The following OR1L8 variants were observed in gnomAD, a reference collection of about 807,000 sequenced individuals.
The protein encoded by OR1L8 is olfactory receptor family 1 subfamily L member 8.
For missense variants in OR1L8, 330 were observed against 377.4 expected (o/e 0.87, Z 1.04); for synonymous variants, 148 against 147.0 (o/e 1.01, Z -0.05).
At position 122,568,072 on chromosome 9, in the gene OR1L8, T is replaced by C. The variant is rs1829467849; in HGVS notation, c.406A>G (p.Thr136Ala). The C allele has an allele frequency of 1.9e-6, 3 of 1,613,954 alleles. No homozygotes were observed. Among genetic ancestry groups the C allele is most frequent in the Middle Eastern group, 1.7e-4 (1 of 6,060 alleles). The part of the protein sequence containing the change: ...AVCDPFHYVT[T>A]MSHHHCVLLV... The stretch of plus-strand genomic sequence containing the variant: ...AGGACACAGTGGTGGTGGCTCATGG[T>C]GGTGACATAGTGGAAAGGGTCACAG... Residue 136 changes from threonine to alanine, a missense_variant, in exon 5 of 5, where the codon ACC (threonine) becomes GCC (alanine). Physicochemically the swap from Thr to Ala is moderately conservative, Grantham distance 58. Transcript: ENST00000641027.
At chr9:122,565,120 C>T (rs1829408020), downstream of OR1L8, among the ~76,000 whole-genome samples, 1 of 152,114 alleles carries the variant, frequency 6.6e-6, no homozygotes. Flanking sequence ...GGTGTCTGGC[C>T]CCTCTTACAC....
the OR1L8 span, among the ~76,000 whole-genome samples, chr9:122,561,081 T>C: frequency 6.6e-6 from 1 of 152,228 alleles, no homozygotes; most frequent in African/African-American, 2.4e-5. Context: ...CATGATGGTC[T>C]TCAAACTCTG....
At chr9:122,546,449 T>A in the OR1L8 span, among the ~76,000 whole-genome samples, 1 of 152,180 alleles carries the variant, frequency 6.6e-6, no homozygotes, top group Admixed American at 6.5e-5. Flanking sequence ...CTTAGAACGT[T>A]TGCTCGCACG....
Position 122,568,007 on chromosome 9 carries a change from T to C in OR1L8, c.471A>G (p.Ser157=). The change falls in exon 5 of 5, where the codon TCA becomes TCG. Residue 157 remains serine (S), a synonymous_variant. Transcript: ENST00000641027. ...AFSCSFPHLH[S]LLHTLLLNRL... ...GATTCAGCAGAAGTGTGTGCAGGAG[T>C]GAGTGGAGGTGAGGAAATGAGCAGG... 6.2e-7 allele frequency: 1 copy of C among 1,611,518 alleles called. No individual in the cohort carries two copies. The highest frequency in any genetic ancestry group is 8.5e-7 in the Non-Finnish European group (1 of 1,179,282).
the OR1L8 span, among the ~76,000 whole-genome samples, chr9:122,547,596 T>C: frequency 6.6e-6 from 1 of 151,480 alleles, no homozygotes; most frequent in Non-Finnish European, 1.5e-5. Context: ...CTTGATTTCA[T>C]TTTTTATGGC....
At chr9:122,553,619 C>T in the OR1L8 span, 7 of 1,614,122 alleles carry the variant, frequency 4.3e-6, no homozygotes, top group Non-Finnish European at 5.9e-6. Context: ...TCCATTACAG[C>T]ACATCTATGA....
the OR1L8 span, chr9:122,553,160 A>T: frequency 6.3e-7 from 1 of 1,579,602 alleles, no homozygotes; most frequent in African/African-American, 1.4e-5. Context: ...TAATAAATAA[A>T]TACTGACACA....
intron 3 of OR1L8, among the ~76,000 whole-genome samples, chr9:122,575,430 A>G (rs1265307085): frequency 6.6e-6 from 1 of 152,098 alleles, no homozygotes; most frequent in Non-Finnish European, 1.5e-5. Flanking sequence ...TTGTTGACAT[A>G]TCATGTCTTT....
chr9:122,552,392 C>T, the OR1L8 span, among the ~76,000 whole-genome samples: 1 of 152,064 alleles, frequency 6.6e-6, no homozygotes, highest in Non-Finnish European at 1.5e-5. Flanking sequence ...AAATGTAGTA[C>T]AAATGTAGGG....
intron 1 of OR1L8, among the ~76,000 whole-genome samples, chr9:122,581,783 C>A (rs374741657): frequency 1.3e-5 from 2 of 152,082 alleles, no homozygotes; most frequent in African/African-American, 2.4e-5. Flanking sequence ...CCTGTCTCTA[C>A]TAAAACTAGA....
At chr9:122,561,832 A>C in the OR1L8 span, among the ~76,000 whole-genome samples, 1 of 152,128 alleles carries the variant, frequency 6.6e-6, no homozygotes, top group Non-Finnish European at 1.5e-5. Context: ...TGGGAGCAGG[A>C]CCCATTTAAT....
At chr9:122,550,512 A>G in the OR1L8 span, among the ~76,000 whole-genome samples, 1 of 152,204 alleles carries the variant, frequency 6.6e-6, no homozygotes, top group Non-Finnish European at 1.5e-5. Flanking sequence ...AATACTAGCA[A>G]ACTGAATCCA....
chr9:122,580,733 T>A (rs1460676043), intron 1 of OR1L8, among the ~76,000 whole-genome samples: 1 of 152,200 alleles, frequency 6.6e-6, no homozygotes, highest in East Asian at 1.9e-4. Flanking sequence ...GAATTAAAAG[T>A]GTGATAAGAC....
the OR1L8 span, among the ~76,000 whole-genome samples, chr9:122,560,962 C>G: frequency 4.6e-5 from 7 of 152,176 alleles, no homozygotes; most frequent in African/African-American, 1.2e-4. Context: ...TTCAGGTACT[C>G]CAATCAATCA....
At chr9:122,549,186 G>A in the OR1L8 span, among the ~76,000 whole-genome samples, 5 of 152,050 alleles carry the variant, frequency 3.3e-5, no homozygotes, top group East Asian at 1.9e-4. Context: ...TGCTCTCCCC[G>A]CAGTAATGAG....
the OR1L8 span, chr9:122,553,726 G>T: frequency 1.2e-6 from 2 of 1,613,400 alleles, no homozygotes; most frequent in Non-Finnish European, 1.7e-6. Context: ...GTGGCTTTCT[G>T]TGCCCAGAAA....
chr9:122,569,659 CATTTTATTTT>C (rs56279203), intron 4 of OR1L8, among the ~76,000 whole-genome samples: 119 of 150,498 alleles, frequency 7.9e-4, no homozygotes, highest in Admixed American at 5.0e-3. Flanking sequence ...GAAACAACTT[CATTTTATTTT>C]ATTTTATTTT....
chr9:122,561,968 T>C, the OR1L8 span, among the ~76,000 whole-genome samples: 2 of 152,174 alleles, frequency 1.3e-5, no homozygotes, highest in African/African-American at 4.8e-5. Flanking sequence ...CCGTGGAGAC[T>C]ATGGCCACCC....
the OR1L8 span, among the ~76,000 whole-genome samples, chr9:122,555,604 A>G: frequency 6.6e-6 from 1 of 152,188 alleles, no homozygotes; most frequent in Non-Finnish European, 1.5e-5. Flanking sequence ...GTCTATTTAT[A>G]TATAAAGATA....
Sources: allele counts gnomAD v4.1 joint callset (sites outside exome capture counted in the v4.1 genomes callset), GRCh38; gene constraint gnomAD v4.1.1; transcripts MANE v1.5; gene names NCBI Gene and HGNC (gene_info 2026-07-23, HGNC 2026-07-21).